The following MCUB variants were observed in gnomAD, a reference collection of about 807,000 sequenced individuals.
The protein encoded by MCUB is mitochondrial calcium uniporter dominant negative subunit beta, also known as calcium uniporter regulatory subunit MCUb, mitochondrial.
A neutral mutation model predicts 41.4 loss-of-function variants in MCUB; 46 were observed. That is an observed-to-expected ratio of 1.11 (90% confidence interval 0.88 to 1.42). The LOEUF (loss-of-function observed/expected upper bound fraction) is 1.42. Among genes scored for constraint, MCUB ranks in the 40% most tolerant of loss-of-function variants. The pLI is 0.00. For missense variants in MCUB, 403 were observed against 404.9 expected (o/e 1.00, Z 0.04); for synonymous variants, 148 against 148.2 (o/e 1.00, Z 0.01).
intron 5 of MCUB, 152 bp downstream of exon 5, chr4:109,682,894 C>T (rs1050081852): frequency 1.7e-6 from 1 of 581,952 alleles, no homozygotes; most frequent in Non-Finnish European, 3.0e-6. Flanking sequence ...TTTTATCTTC[C>T]TCATTTTTCA....
intron 1 of MCUB, among the ~76,000 whole-genome samples, chr4:109,648,166 G>T (rs1417360418): frequency 6.6e-6 from 1 of 152,132 alleles, no homozygotes; most frequent in African/African-American, 2.4e-5. Context: ...CTTTTCTCTG[G>T]GTTGTAGTCC....
At chr4:109,629,461 T>C (rs1728429010) in intron 1 of MCUB, among the ~76,000 whole-genome samples, 1 of 152,224 alleles carries the variant, frequency 6.6e-6, no homozygotes, top group Non-Finnish European at 1.5e-5. Context: ...AATTCTGCAA[T>C]GGATACCAGC....
chr4:109,685,419 T>C (rs1411254877), intron 7 of MCUB, 52 bp downstream of exon 7: 2 of 766,082 alleles, frequency 2.6e-6, no homozygotes, highest in African/African-American at 3.4e-5. Flanking sequence ...CAGAACTTAG[T>C]ATCAGGGAAG....
chr4:109,581,658 T>C (rs1727178760), intron 1 of MCUB, among the ~76,000 whole-genome samples: 1 of 152,096 alleles, frequency 6.6e-6, no homozygotes, highest in African/African-American at 2.4e-5. Flanking sequence ...ATATCCAGAA[T>C]CTACAATGAA....
At chr4:109,665,551 G>A (rs1168954109) in intron 4 of MCUB, among the ~76,000 whole-genome samples, 1 of 152,060 alleles carries the variant, frequency 6.6e-6, no homozygotes, top group Non-Finnish European at 1.5e-5. Flanking sequence ...TGTTATATTT[G>A]CATTTAACCT....
In MCUB at chr4:109,645,999, C is replaced by T. The variant is rs570465492; in HGVS notation, c.100-13012C>T. Among the ~76,000 whole-genome samples the T allele has an allele frequency of 8.5e-5, 13 of 152,188 alleles. No individual in the cohort carries two copies. The South Asian group carries it at 1.5e-3, about 17-fold the overall frequency. ...CTGATGTCTCTCAGCTTAAGAAAGTCGCAAACCCTCCAGTAACCACATAGC... is the reference window on the plus strand; with the variant it reads ...CTGATGTCTCTCAGCTTAAGAAAGTTGCAAACCCTCCAGTAACCACATAGC... On this transcript the variant is annotated intron_variant, in intron 1 of 7. Transcript: ENST00000394650.
chr4:109,594,474 G>A (rs1727509210), intron 1 of MCUB, among the ~76,000 whole-genome samples: 1 of 152,150 alleles, frequency 6.6e-6, no homozygotes, highest in South Asian at 2.1e-4. Context: ...TGGCCAATAT[G>A]GTGAAACCCC....
chr4:109,618,771 A>G (rs1339884766), intron 1 of MCUB, among the ~76,000 whole-genome samples: 1 of 151,548 alleles, frequency 6.6e-6, no homozygotes, highest in East Asian at 1.9e-4. Context: ...AAATAGTTAC[A>G]TAGTCTAAAA....
At chr4:109,654,249 C>A (rs921331991) in intron 1 of MCUB, among the ~76,000 whole-genome samples, 1 of 152,108 alleles carries the variant, frequency 6.6e-6, no homozygotes. Context: ...AACTGGATTC[C>A]TGTGGCCTGA....
intron 1 of MCUB, chr4:109,560,974 T>G (rs1431964764): frequency 6.6e-6 from 1 of 152,068 alleles, no homozygotes; most frequent in African/African-American, 2.4e-5. Flanking sequence ...AAAACTCGCG[T>G]TTTGTTCAGA....
rs1729901946 is a variant in MCUB, at chr4:109,688,304, TTATTC to T, written c.*717_*721del. ...AATTGAACCTTGAAAGTAACATCTG[TTATTC>T]TATTAATGTGATTGTGTGTGAATGG... On this transcript the variant is annotated 3_prime_UTR_variant, in exon 8 of 8. Coordinates refer to ENST00000394650, the MANE Select transcript of MCUB (RefSeq NM_017918.5). The T allele has an allele frequency of 6.6e-6, 1 of 152,244 alleles. No homozygotes were observed. Among genetic ancestry groups the T allele is most frequent in the Non-Finnish European group, 1.5e-5 (1 of 68,048 alleles). 9.4% of individuals were successfully genotyped at this position (152,244 alleles called of 1,614,324 possible). A position where few individuals can be genotyped will look rare whatever the true frequency, so the allele number is the denominator to read the frequency against.
chr4:109,643,797 C>T (rs1242381964), intron 1 of MCUB, among the ~76,000 whole-genome samples: 2 of 152,232 alleles, frequency 1.3e-5, no homozygotes, highest in Non-Finnish European at 2.9e-5. Flanking sequence ...AGCCACTGCA[C>T]CTGATTTTAT....
intron 1 of MCUB, among the ~76,000 whole-genome samples, chr4:109,630,112 T>C (rs1247519047): frequency 6.6e-6 from 1 of 151,730 alleles, no homozygotes; most frequent in Non-Finnish European, 1.5e-5. Context: ...AGACCAAATA[T>C]ATATTTCATA....
At chr4:109,658,548 T>C (rs1729156518) in intron 1 of MCUB, among the ~76,000 whole-genome samples, 1 of 152,162 alleles carries the variant, frequency 6.6e-6, no homozygotes, top group South Asian at 2.1e-4. Flanking sequence ...TCGCCCACCT[T>C]GGCCTCCCAA....
At chr4:109,578,275 A>G (rs1466376001) in intron 1 of MCUB, among the ~76,000 whole-genome samples, 1 of 152,182 alleles carries the variant, frequency 6.6e-6, no homozygotes, top group Non-Finnish European at 1.5e-5. Flanking sequence ...TTGAAATCTG[A>G]ATGGCTGGTT....
At chr4:109,640,951 A>G (rs1728699811) in intron 1 of MCUB, among the ~76,000 whole-genome samples, 1 of 152,186 alleles carries the variant, frequency 6.6e-6, no homozygotes, top group Non-Finnish European at 1.5e-5. Context: ...TTTGATTTAA[A>G]GTAAGAGATA....
chr4:109,628,549 G>A lies in MCUB; in HGVS notation c.100-30462G>A, dbSNP rs117860178. ...TGGTGATGGCTTGGATAAGGGTGGA[G>A]ACAGTGGAAATAAGAACAAATTTGA... On this transcript the variant is annotated intron_variant, in intron 1 of 7. Coordinates refer to ENST00000394650, the MANE Select transcript of MCUB (RefSeq NM_017918.5). Among the ~76,000 whole-genome samples the A allele has an allele frequency of 5.6e-3, 851 of 152,318 alleles. 25 individuals are homozygous for A. In the East Asian group the frequency reaches 0.064, roughly 12 times the overall value.
chr4:109,651,626 T>C (rs1728963319), intron 1 of MCUB, among the ~76,000 whole-genome samples: 2 of 152,220 alleles, frequency 1.3e-5, no homozygotes, highest in Admixed American at 6.5e-5. Context: ...TATATTTAAT[T>C]TCATTTAATT....
At chr4:109,600,810 T>C (rs1727713605) in intron 1 of MCUB, among the ~76,000 whole-genome samples, 1 of 152,144 alleles carries the variant, frequency 6.6e-6, no homozygotes, top group Non-Finnish European at 1.5e-5. Flanking sequence ...ATTTTTTTCC[T>C]TCTGAGACTA....
Sources: gnomAD v4.1 joint callset for allele counts (sites outside exome capture counted in the v4.1 genomes callset) on GRCh38, gnomAD v4.1.1 for gene constraint, MANE v1.5 for transcripts, NCBI Gene and HGNC (gene_info 2026-07-23, HGNC 2026-07-21) for gene names.